Variants in PDE10A observed in about 807,000 individuals in gnomAD.
PDE10A encodes the protein cAMP and cAMP-inhibited cGMP 3',5'-cyclic phosphodiesterase 10A.
In PDE10A, 39 loss-of-function variants were observed where a neutral mutation model predicts 97.7. The observed-to-expected ratio is 0.40, with a 90% CI of 0.31 to 0.52. The LOEUF (loss-of-function observed/expected upper bound fraction) is 0.52. Among genes scored for constraint, PDE10A ranks in the 20% least tolerant of loss-of-function variants. PDE10A has a pLI of 0.56. For missense variants in PDE10A, 731 were observed against 1,047.8 expected (o/e 0.70, Z 4.17); for synonymous variants, 371 against 376.8 (o/e 0.98, Z 0.18).
intron 3 of PDE10A, among the ~76,000 whole-genome samples, chr6:165,477,479 G>A (rs939853116): frequency 3.3e-5 from 5 of 152,252 alleles, no homozygotes; most frequent in Non-Finnish European, 5.9e-5. Flanking sequence ...GTTTGTCCTC[G>A]AGATATCTCA....
chr6:165,431,407 A>ACAG lies in PDE10A; in HGVS notation c.1542+14_1542+15insCTG. ...TCCCTTAGGAAGCCCCTGCAAAAACACCCCAAAGACTCACCTGCACCTGAT... is the reference window on the plus strand; with the variant it reads ...TCCCTTAGGAAGCCCCTGCAAAAACACAGCCCCAAAGACTCACCTGCACCTGAT... On this transcript the variant is annotated intron_variant, in intron 8 of 21. Transcript: ENST00000539869. 1 of 1,574,980 alleles carries ACAG rather than the reference A, an allele frequency of 6.3e-7. No homozygotes were observed. The highest frequency in any genetic ancestry group is 1.2e-5 in the South Asian group (1 of 85,838).
At chr6:165,726,107 C>A (rs894163023) in intron 1 of PDE10A, among the ~76,000 whole-genome samples, 1 of 152,148 alleles carries the variant, frequency 6.6e-6, no homozygotes, top group African/African-American at 2.4e-5. Context: ...TGTGCATAGG[C>A]AACGCAGGGA....
chr6:165,631,925 G>C (rs1333508291), intron 1 of PDE10A, among the ~76,000 whole-genome samples: 1 of 152,144 alleles, frequency 6.6e-6, no homozygotes, highest in Non-Finnish European at 1.5e-5. Context: ...TCTAGGCCAG[G>C]CATGGTGGCT....
intron 1 of PDE10A, among the ~76,000 whole-genome samples, chr6:165,568,299 A>G (rs1232618474): frequency 6.6e-6 from 1 of 152,076 alleles, no homozygotes; most frequent in African/African-American, 2.4e-5. Flanking sequence ...GCATCCGGCC[A>G]GCATTTTTTT....
intron 1 of PDE10A, among the ~76,000 whole-genome samples, chr6:165,891,853 A>T (rs189563897): frequency 1.3e-5 from 2 of 151,968 alleles, no homozygotes. Flanking sequence ...AAAAGCCATG[A>T]CCCTTATTCC....
At chr6:165,748,181 T>C (rs1051985245) in intron 1 of PDE10A, among the ~76,000 whole-genome samples, 2 of 152,254 alleles carry the variant, frequency 1.3e-5, no homozygotes, top group African/African-American at 4.8e-5. Context: ...GAGTCTTCTT[T>C]CTTAAATACG....
rs1287239230 is a variant in PDE10A, at chr6:165,655,803, T to C, written c.865+6144A>G. ...TTTCCTCTGACTGACAAAGCCTTCA[T>C]CCGGCCCATTTGCCACTTCACTTGC... On this transcript the variant is annotated intron_variant, in intron 1 of 21. Coordinates refer to ENST00000539869, the MANE Select transcript of PDE10A (RefSeq NM_001385079.1). This position sits in a 1 kb window ranked among gnomAD's most constrained non-coding sequence, Gnocchi z 4.5. Among the ~76,000 whole-genome samples, 1 of 152,094 alleles carries C rather than the reference T, an allele frequency of 6.6e-6. No homozygotes were observed. The highest frequency in any genetic ancestry group is 1.5e-5 in the Non-Finnish European group (1 of 68,002).
At chr6:165,952,084 G>A (rs932635236) in intron 1 of PDE10A, among the ~76,000 whole-genome samples, 5 of 152,148 alleles carry the variant, frequency 3.3e-5, no homozygotes. Flanking sequence ...GCGAAGTAAC[G>A]AGGCAGAGAC....
At chr6:165,410,369 A>G (rs1293958692) in intron 13 of PDE10A, among the ~76,000 whole-genome samples, 1 of 152,228 alleles carries the variant, frequency 6.6e-6, no homozygotes, top group Non-Finnish European at 1.5e-5. Flanking sequence ...TTATTAATGG[A>G]AGCAATTCTT....
rs528522595 is a variant in PDE10A, at chr6:165,329,768, C to T, written c.*3257G>A. 6.6e-6 allele frequency: 1 copy of T among 152,226 alleles called. No homozygotes were observed. The highest frequency in any genetic ancestry group is 1.9e-4 in the East Asian group (1 of 5,172). The allele number at this position is 152,226 out of a possible 1,614,324, so 9.4% of individuals were successfully genotyped here. On this transcript the variant is annotated 3_prime_UTR_variant, in exon 22 of 22. Coordinates refer to ENST00000539869, the MANE Select transcript of PDE10A (RefSeq NM_001385079.1). Reference sequence around the variant, plus strand: ...TGCTTTTGTTGTGGTGAGAACGAGTCACCTGGGGCACCACTGTAAACATCT... The same window carrying T: ...TGCTTTTGTTGTGGTGAGAACGAGTTACCTGGGGCACCACTGTAAACATCT...
chr6:165,344,086 T>C (rs1199889294), intron 18 of PDE10A, among the ~76,000 whole-genome samples: 1 of 151,974 alleles, frequency 6.6e-6, no homozygotes, highest in Admixed American at 6.5e-5. Flanking sequence ...ATATTTCTTT[T>C]CAACACCAGC....
intron 1 of PDE10A, among the ~76,000 whole-genome samples, chr6:165,873,990 T>C (rs777571082): frequency 1.3e-5 from 2 of 152,190 alleles, no homozygotes; most frequent in Non-Finnish European, 2.9e-5. Context: ...TTACCACTCT[T>C]CTCTAAGGGA....
chr6:165,900,746 C>T (rs1782080646), intron 1 of PDE10A, among the ~76,000 whole-genome samples: 1 of 152,230 alleles, frequency 6.6e-6, no homozygotes, highest in African/African-American at 2.4e-5. Flanking sequence ...CTTCTAGGCT[C>T]CAGCTCGAGG....
chr6:165,765,723 A>G (rs1165265110), intron 1 of PDE10A, among the ~76,000 whole-genome samples: 1 of 152,186 alleles, frequency 6.6e-6, no homozygotes, highest in Admixed American at 6.5e-5. Flanking sequence ...CAGCCCAGAA[A>G]GGGGCTCCCA....
chr6:165,861,809 G>A (rs62425085), intron 1 of PDE10A, among the ~76,000 whole-genome samples: 1 of 152,180 alleles, frequency 6.6e-6, no homozygotes, highest in South Asian at 2.1e-4. Context: ...AGAAACAGGA[G>A]CAAGAGCCTC....
At chr6:165,919,876 T>C (rs1462656846) in intron 1 of PDE10A, among the ~76,000 whole-genome samples, 1 of 152,228 alleles carries the variant, frequency 6.6e-6, no homozygotes, top group Non-Finnish European at 1.5e-5. Flanking sequence ...CGTGCCCTTC[T>C]TGATAATTTT....
intron 3 of PDE10A, among the ~76,000 whole-genome samples, chr6:165,461,179 A>G (rs984487045): frequency 3.3e-5 from 5 of 152,232 alleles, no homozygotes; most frequent in African/African-American, 1.2e-4. Flanking sequence ...AGAGCTATCA[A>G]TTCAGTTATA....
chr6:165,664,421 T>G (rs1419574385), upstream of PDE10A, among the ~76,000 whole-genome samples: 1 of 152,144 alleles, frequency 6.6e-6, no homozygotes, highest in East Asian at 1.9e-4. Context: ...GCAAAGGACA[T>G]GCTGGGGCTC....
chr6:165,738,014 A>ATTTTTT (rs1554314494), intron 1 of PDE10A, among the ~76,000 whole-genome samples: 123 of 151,580 alleles, frequency 8.1e-4, no homozygotes, highest in Non-Finnish European at 1.9e-4. Flanking sequence ...ATTTTATTTT[A>ATTTTTT]TTTTTTTATT....
Sources: gnomAD v4.1 joint callset for allele counts (sites outside exome capture counted in the v4.1 genomes callset) on GRCh38, gnomAD v4.1.1 for gene constraint, Gnocchi (gnomAD v3.1) non-coding constraint, MANE v1.5 for transcripts, NCBI Gene and HGNC (gene_info 2026-07-23, HGNC 2026-07-21) for gene names.